Variants in SLC8A1 observed in about 807,000 individuals in gnomAD.
The protein encoded by SLC8A1 is sodium/calcium exchanger 1.
SLC8A1 carries 18 observed loss-of-function variants against 68.3 expected under a neutral mutation model. The ratio of observed to expected loss-of-function variants is 0.26; its 90% confidence interval spans 0.18 to 0.39. The LOEUF (loss-of-function observed/expected upper bound fraction) is 0.39. Ranked by LOEUF, SLC8A1 falls within the 10% of genes least tolerant of loss-of-function variation. SLC8A1 has a pLI of 1.00. For missense variants in SLC8A1, 985 were observed against 1,156.7 expected (o/e 0.85, Z 2.15); for synonymous variants, 475 against 415.5 (o/e 1.14, Z -1.74).
chr2:40,309,256 A>C (rs2149298590), intron 2 of SLC8A1, among the ~76,000 whole-genome samples: 1 of 152,252 alleles, frequency 6.6e-6, no homozygotes, highest in South Asian at 2.1e-4. Context: ...CTGCATTTTC[A>C]ACACAGGAAT....
intron 6 of SLC8A1, among the ~76,000 whole-genome samples, chr2:40,155,068 T>C (rs1241725953): frequency 1.3e-5 from 2 of 152,100 alleles, no homozygotes; most frequent in African/African-American, 4.8e-5. Flanking sequence ...ACCCTCCTCC[T>C]TTTTTTGGTT....
chr2:40,386,170 G>C (rs540452811), intron 2 of SLC8A1, among the ~76,000 whole-genome samples: 1 of 151,004 alleles, frequency 6.6e-6, no homozygotes, highest in African/African-American at 2.5e-5. Flanking sequence ...ATATGCCCAC[G>C]GACAAAAACA....
At chr2:40,197,280 C>G (rs1319808458) in intron 2 of SLC8A1, among the ~76,000 whole-genome samples, 1 of 152,022 alleles carries the variant, frequency 6.6e-6, no homozygotes, top group African/African-American at 2.4e-5. Flanking sequence ...CATGTAACTG[C>G]TATTTTCCCT....
chr2:40,279,486 T>C (rs1016212788), intron 2 of SLC8A1, among the ~76,000 whole-genome samples: 1 of 152,202 alleles, frequency 6.6e-6, no homozygotes, highest in African/African-American at 2.4e-5. Context: ...AATATCAATT[T>C]GGGGCACTGT....
intron 2 of SLC8A1, among the ~76,000 whole-genome samples, chr2:40,243,974 C>A (rs1359518373): frequency 6.6e-6 from 1 of 152,128 alleles, no homozygotes; most frequent in African/African-American, 2.4e-5. Context: ...TCTAGGGAGA[C>A]TGTGACATTT....
At chr2:40,423,017 T>C (rs1323362789) in intron 2 of SLC8A1, among the ~76,000 whole-genome samples, 1 of 152,112 alleles carries the variant, frequency 6.6e-6, no homozygotes, top group Non-Finnish European at 1.5e-5. Flanking sequence ...ACCATTAGTC[T>C]TCCAAATTTT....
chr2:40,262,370 G>A (rs1274054312), intron 2 of SLC8A1, among the ~76,000 whole-genome samples: 2 of 152,180 alleles, frequency 1.3e-5, no homozygotes, highest in Non-Finnish European at 2.9e-5. Context: ...TCTTCTCCAG[G>A]TGAGAGGTTG....
intron 2 of SLC8A1, among the ~76,000 whole-genome samples, chr2:40,287,489 T>A (rs912352304): frequency 6.6e-6 from 1 of 151,904 alleles, no homozygotes; most frequent in Non-Finnish European, 1.5e-5. Context: ...CCAATAAGAA[T>A]AATATCTGGG....
chr2:40,140,976 T>C (rs114784254), intron 6 of SLC8A1, among the ~76,000 whole-genome samples: 1,585 of 152,348 alleles, frequency 0.01, 28 homozygotes, highest in African/African-American at 0.035. Context: ...ATAATGCCCA[T>C]TGACATGTTT....
At chr2:40,274,034 T>C (rs1258117843) in intron 2 of SLC8A1, among the ~76,000 whole-genome samples, 3 of 151,784 alleles carry the variant, frequency 2.0e-5, no homozygotes, top group Non-Finnish European at 4.4e-5. Context: ...GCAGCCTGTC[T>C]GTCGCCTTAT....
At chr2:40,195,052 T>C (rs1038660457) in intron 2 of SLC8A1, among the ~76,000 whole-genome samples, 1 of 152,130 alleles carries the variant, frequency 6.6e-6, no homozygotes, top group Non-Finnish European at 1.5e-5. Flanking sequence ...CATAGCATCA[T>C]GTAGCAGAGT....
chr2:40,363,875 C>T (rs975453345), intron 2 of SLC8A1, among the ~76,000 whole-genome samples: 3 of 151,930 alleles, frequency 2.0e-5, no homozygotes, highest in East Asian at 1.9e-4. Context: ...GTTGAGTTTA[C>T]GCAAGACGTT....
intron 2 of SLC8A1, among the ~76,000 whole-genome samples, chr2:40,326,680 T>TC (rs1244232977): frequency 2.0e-5 from 3 of 152,190 alleles, no homozygotes; most frequent in Admixed American, 6.5e-5. Flanking sequence ...CTGGTACTGA[T>TC]CAATGGTTAT....
chr2:40,103,814 G>C (rs756264099), exon 8 of SLC8A1: 1 of 152,170 alleles, frequency 6.6e-6, no homozygotes, highest in South Asian at 2.1e-4. Context: ...CAAAATAAAT[G>C]TTTATATTTC....
rs188469441 is a variant in SLC8A1, at chr2:40,254,096, C to G, written c.1809-76241G>C. Among the ~76,000 whole-genome samples the G allele has an allele frequency of 1.5e-4, 23 of 152,192 alleles. No homozygotes were observed. In the East Asian group the frequency reaches 4.0e-3, roughly 27 times the overall value. On this transcript the variant is annotated intron_variant, in intron 2 of 7. Coordinates refer to ENST00000406785, the Ensembl canonical transcript of SLC8A1. ...GATATTCTAATTACCCTGATTTGAT[C>G]ATTACACATTTTATGCATGTATCAA...
At chr2:40,413,625 A>G (rs555823299) in intron 2 of SLC8A1, among the ~76,000 whole-genome samples, 4 of 152,300 alleles carry the variant, frequency 2.6e-5, no homozygotes, top group South Asian at 4.1e-4. Context: ...GTCTTATTTC[A>G]AATGCAAGTG....
chr2:40,408,474 C>T (rs1190104769), intron 2 of SLC8A1, among the ~76,000 whole-genome samples: 1 of 152,132 alleles, frequency 6.6e-6, no homozygotes, highest in African/African-American at 2.4e-5. Context: ...CTCCTAAAAC[C>T]ACAGGAAATT....
intron 2 of SLC8A1, among the ~76,000 whole-genome samples, chr2:40,365,194 C>T (rs1180059330): frequency 1.3e-5 from 2 of 151,678 alleles, no homozygotes; most frequent in African/African-American, 2.4e-5. Flanking sequence ...AGATATTATA[C>T]CCACATTTTA....
chr2:40,287,676 C>T (rs2068572553), intron 2 of SLC8A1, among the ~76,000 whole-genome samples: 1 of 147,870 alleles, frequency 6.8e-6, no homozygotes, highest in African/African-American at 2.5e-5. Context: ...GAGGACAGGG[C>T]CATGAAGGCT....
Sources: gnomAD v4.1 joint callset for allele counts (sites outside exome capture counted in the v4.1 genomes callset) on GRCh38, gnomAD v4.1.1 for gene constraint, MANE v1.5 for transcripts, NCBI Gene and HGNC (gene_info 2026-07-23, HGNC 2026-07-21) for gene names.